Variants in PRRG3 observed in about 807,000 individuals in gnomAD.
The protein encoded by PRRG3 is proline rich and Gla domain 3.
In PRRG3, 21 loss-of-function variants were observed where a neutral mutation model predicts 15.8. That is an observed-to-expected ratio of 1.33 (90% CI 0.94 to 1.92). The LOEUF is 1.92. Among genes scored for constraint, PRRG3 ranks in the 40% most tolerant of loss-of-function variants. The pLI is 0.00. For missense variants in PRRG3, 251 were observed against 200.2 expected (o/e 1.25, Z -1.53); for synonymous variants, 125 against 84.1 (o/e 1.49, Z -2.66).
At chrX:151,697,304 C>T (rs756307896) in intron 1 of PRRG3, among the ~76,000 whole-genome samples, 1 of 109,899 alleles carries the variant, frequency 9.1e-6, no homozygotes, top group African/African-American at 3.3e-5. Flanking sequence ...GGACTACAGG[C>T]ATGCACCGCA....
chrX:151,698,850 G>C, intron 2 of PRRG3, 29 bp downstream of exon 2: 1 of 1,183,318 alleles, frequency 8.5e-7, no homozygotes, highest in African/African-American at 1.7e-5. Context: ...GGGCAGAGCC[G>C]TGGAGGGCCA....
Position 151,705,695 on chromosome X carries a change from A to G in PRRG3, c.*4662A>G. 5.9e-6 allele frequency: 1 copy of G among 169,363 alleles called. No homozygotes were observed. The highest frequency in any genetic ancestry group is 7.4e-5 in the Admixed American group (1 of 13,462). 14.0% of individuals were successfully genotyped at this position (169,363 alleles called of 1,213,427 possible). A position where few individuals can be genotyped will look rare whatever the true frequency, so the allele number is the denominator to read the frequency against. Reference sequence around the variant, plus strand: ...ATTACTGTGAAATGGATTAATTTTGATACCACTTTAAACTGTGCTTGTATT... The same window carrying G: ...ATTACTGTGAAATGGATTAATTTTGGTACCACTTTAAACTGTGCTTGTATT... On this transcript the variant is annotated 3_prime_UTR_variant, in exon 4 of 4. Transcript: ENST00000674457.
Position 151,700,910 on chromosome X carries a change from C to A in PRRG3, c.573C>A (p.Pro191=). The change falls in exon 4 of 4, where the codon CCC becomes CCA. Residue 191 remains proline (P), a synonymous_variant. Transcript: ENST00000674457. ...CCAGACTGTCCAGCACCACCCCTCCCCCCTCCTACGAGGAGGTGACTGCGC... is the reference window on the plus strand; with the variant it reads ...CCAGACTGTCCAGCACCACCCCTCCACCCTCCTACGAGGAGGTGACTGCGC... The part of the protein sequence containing the change: ...SLSRLSSTTP[P]PSYEEVTAPQ... 2 of 1,210,849 alleles carry A rather than the reference C, an allele frequency of 1.7e-6. No individual in the cohort carries two copies. Among genetic ancestry groups the A allele is most frequent in the South Asian group, 1.8e-5 (1 of 56,840 alleles).
At chrX:151,698,168 G>T (rs371292397) in intron 1 of PRRG3, 1 of 111,965 alleles carries the variant, frequency 8.9e-6, no homozygotes, top group Admixed American at 9.4e-5. Context: ...CCCTGTAGAA[G>T]ATGTGTCCAC....
intron 1 of PRRG3, among the ~76,000 whole-genome samples, chrX:151,696,007 C>A (rs1234826994): frequency 9.0e-6 from 1 of 111,137 alleles, no homozygotes; most frequent in African/African-American, 3.3e-5. Context: ...GTCCCAGAGG[C>A]CTGAGATTCA....
Position 151,701,389 on chromosome X carries a change from G to A in PRRG3, c.*356G>A, listed in dbSNP as rs1029619690. 2.1e-5 allele frequency: 3 copies of A among 144,344 alleles called. No homozygotes were observed. The highest frequency in any genetic ancestry group is 3.1e-5 in the African/African-American group (1 of 32,312). The allele number at this position is 144,344 out of a possible 1,213,427, so 11.9% of individuals were successfully genotyped here. The stretch of plus-strand genomic sequence containing the variant: ...CCAGAATGTCCACAGGCCTGGCCTG[G>A]GGGCTGTGGGACTGGCTGGAGGCCT... On this transcript the variant is annotated 3_prime_UTR_variant, in exon 4 of 4. Coordinates refer to ENST00000674457, the MANE Select transcript of PRRG3 (RefSeq NM_001372163.1).
intron 2 of PRRG3, 168 bp from the exon 3 acceptor site, chrX:151,699,828 C>T (rs1254535270): frequency 1.1e-5 from 5 of 462,409 alleles, no homozygotes; most frequent in East Asian, 3.7e-5. Flanking sequence ...CCCTTCCATC[C>T]CTTTCACAAA....
At position 151,704,593 on chromosome X, in the gene PRRG3, CGCTCACGGAG is replaced by C. The variant is rs1323088809; in HGVS notation, c.*3565_*3574del. 5.4e-5 allele frequency: 6 copies of C among 111,228 alleles called. No homozygotes were observed. In the East Asian group the frequency reaches 1.1e-3, roughly 21 times the overall value. The allele number at this position is 111,228 out of a possible 1,213,427, so 9.2% of individuals were successfully genotyped here. A position where few individuals can be genotyped will look rare whatever the true frequency, so the allele number is the denominator to read the frequency against. On this transcript the variant is annotated 3_prime_UTR_variant, in exon 4 of 4. Transcript: ENST00000674457. ...GAGAGATCATGGAGAGAGTCTCTCT[CGCTCACGGAG>C]GCTCTGTCTTTCTAGGAGTATGTGT...
intron 1 of PRRG3, among the ~76,000 whole-genome samples, chrX:151,696,862 T>A (rs1348990373): frequency 8.9e-6 from 1 of 112,092 alleles, no homozygotes; most frequent in Non-Finnish European, 1.9e-5. Flanking sequence ...CAAATTCACA[T>A]GTTGATAGTT....
chrX:151,700,632 A>C lies in PRRG3; in HGVS notation c.295A>C (p.Ile99Leu). ...ACTGCTGATTGTCATCGCCTTGTTC[A>C]TCATCTGGAGGTGCCAGCTGCAGAA... is the stretch of plus-strand genomic sequence containing the variant. ...VALLIVIALFIIWRCQLQKAT... is the reference protein window; with the variant it reads ...VALLIVIALFLIWRCQLQKAT... Residue 99 changes from isoleucine to leucine, a missense_variant, in exon 4 of 4, where the codon ATC becomes CTC. Physicochemically the swap from Ile to Leu is conservative, Grantham distance 5. Transcript: ENST00000674457. The C allele has an allele frequency of 1.7e-6, 2 of 1,211,280 alleles. No individual in the cohort carries two copies. The highest frequency in any genetic ancestry group is 3.5e-5 in the African/African-American group (2 of 57,572).
intron 2 of PRRG3, 125 bp from the exon 3 acceptor site, chrX:151,699,869 GGT>G: frequency 1.5e-6 from 1 of 664,600 alleles, no homozygotes; most frequent in South Asian, 3.3e-5. Flanking sequence ...TCAGAAGCCT[GGT>G]GTCTTGCCTG....
chrX:151,698,115 G>A (rs2014799241), intron 1 of PRRG3, among the ~76,000 whole-genome samples: 1 of 111,432 alleles, frequency 9.0e-6, no homozygotes, highest in Non-Finnish European at 1.9e-5. Context: ...GATTATGCCT[G>A]GGAATATGAA....
rs916919454 is a variant in PRRG3, at chrX:151,704,047, C to T, written c.*3014C>T. 1 of 107,027 alleles carries T rather than the reference C, an allele frequency of 9.3e-6. No homozygotes were observed. The highest frequency in any genetic ancestry group is 1.9e-5 in the Non-Finnish European group (1 of 51,986). The allele number at this position is 107,027 out of a possible 1,213,427, so 8.8% of individuals were successfully genotyped here. On this transcript the variant is annotated 3_prime_UTR_variant, in exon 4 of 4. Coordinates refer to ENST00000674457, the MANE Select transcript of PRRG3 (RefSeq NM_001372163.1). ...AAAAAGAAAAGGTTTTAAAAATTTT[C>T]TTGAAATGTGACTGTCACTTGTTTT...
At position 151,705,117 on chromosome X, in the gene PRRG3, G is replaced by T; in HGVS notation, c.*4084G>T. 3.7e-6 allele frequency: 1 copy of T among 269,096 alleles called. No homozygotes were observed. The highest frequency in any genetic ancestry group is 4.5e-5 in the Admixed American group (1 of 22,126). 22.2% of individuals were successfully genotyped at this position (269,096 alleles called of 1,213,427 possible). A position where few individuals can be genotyped will look rare whatever the true frequency, so the allele number is the denominator to read the frequency against. On this transcript the variant is annotated 3_prime_UTR_variant, in exon 4 of 4. Coordinates refer to ENST00000674457, the MANE Select transcript of PRRG3 (RefSeq NM_001372163.1). The stretch of plus-strand genomic sequence containing the variant: ...GTTCAGCACTTCTCGTATGTACAGG[G>T]TGATCTCTTGTTCTCTCTCCATCAC...
Position 151,704,719 on chromosome X carries a change from A to C in PRRG3, c.*3686A>C. 1 of 111,694 alleles carries C rather than the reference A, an allele frequency of 9.0e-6. No homozygotes were observed. The highest frequency in any genetic ancestry group is 1.9e-5 in the Non-Finnish European group (1 of 53,376). The allele number at this position is 111,694 out of a possible 1,213,427, so 9.2% of individuals were successfully genotyped here. On this transcript the variant is annotated 3_prime_UTR_variant, in exon 4 of 4. Coordinates refer to ENST00000674457, the MANE Select transcript of PRRG3 (RefSeq NM_001372163.1). ...CTGGTCTAGGTGGCTTTTCAGCTTG[A>C]CAAGTAATGAAGCTCCATTTCAGGA...
intron 3 of PRRG3, 25 bp from the exon 4 acceptor site, chrX:151,700,481 T>G (rs777943448): frequency 1.1e-5 from 13 of 1,165,490 alleles, no homozygotes; most frequent in Non-Finnish European, 1.2e-6. Flanking sequence ...TGAGCTTCTC[T>G]TAAGTACCAC....
rs1222045506 is a variant in PRRG3, at chrX:151,700,564, G to A, written c.227G>A (p.Ser76Asn). ...AVYSVRDPSQ[S>N]SDAMYVVVPL... ...TACTCTGTCCGAGACCCCTCGCAGA[G>A]CTCAGATGCCATGTATGTGGTGGTA... The change falls in exon 4 of 4, where the codon AGC becomes AAC. Residue 76 changes from serine (S) to asparagine (N), a missense_variant. Ser to Asn is a conservative substitution (Grantham distance 46, BLOSUM62 1). Transcript: ENST00000674457. 1.7e-6 allele frequency: 2 copies of A among 1,209,835 alleles called. No homozygotes were observed. The highest frequency in any genetic ancestry group is 1.1e-6 in the Non-Finnish European group (1 of 893,913).
chrX:151,697,455 C>T (rs965484831), intron 1 of PRRG3, among the ~76,000 whole-genome samples: 1 of 111,309 alleles, frequency 9.0e-6, no homozygotes, highest in Non-Finnish European at 1.9e-5. Flanking sequence ...TGAGCCACCG[C>T]GACCAGCCTA....
At position 151,700,393 on chromosome X, in the gene PRRG3, TAACTCTGTGAGAC is replaced by T. The variant is rs768875215; in HGVS notation, c.169-110_169-98del. On this transcript the variant is annotated intron_variant, in intron 3 of 3. Transcript: ENST00000674457. ...TTGGTACATTCTGCTGCCTCTCTGG[TAACTCTGTGAGAC>T]AAGTCAGATGGGGAAGGGTAGGAAG... 91 of 1,132,653 alleles carry T rather than the reference TAACTCTGTGAGAC, an allele frequency of 8.0e-5. 1 individual carries two copies. The African/African-American group carries it at 1.5e-3, about 19-fold the overall frequency. 93.3% of individuals were successfully genotyped at this position (1,132,653 alleles called of 1,213,427 possible).
Sources: gnomAD v4.1 joint callset for allele counts (sites outside exome capture counted in the v4.1 genomes callset) on GRCh38, gnomAD v4.1.1 for gene constraint, MANE v1.5 for transcripts, NCBI Gene and HGNC (gene_info 2026-07-23, HGNC 2026-07-21) for gene names.